Variants in ZNF738 observed in about 807,000 individuals in gnomAD.
ZNF738 encodes zinc finger protein 738.
ZNF738 carries 10 observed loss-of-function variants against 9.2 expected under a neutral mutation model. That is an observed-to-expected ratio of 1.09 (90% CI 0.67 to 1.85). The LOEUF (loss-of-function observed/expected upper bound fraction) is 1.85, where lower values mean the gene tolerates loss of function less well. ZNF738 is among the 40% of genes most tolerant of loss of function. ZNF738 has a pLI of 0.00. For synonymous variants in ZNF738, 113 were observed against 94.5 expected, an observed-to-expected ratio of 1.20 and a Z score of -1.14; for missense variants, 346 against 283.6, an observed-to-expected ratio of 1.22 and a Z score of -1.58.
intron 2 of ZNF738, chr19:21,372,003 G>A (rs1371906960): frequency 6.5e-6 from 1 of 152,914 alleles, no homozygotes; most frequent in East Asian, 1.9e-4. Flanking sequence ...GAGTGCAATG[G>A]CGCGATCTCA....
chr19:21,370,957 T>A (rs765888996), intron 2 of ZNF738, among the ~76,000 whole-genome samples: 1 of 152,164 alleles, frequency 6.6e-6, no homozygotes, highest in Non-Finnish European at 1.5e-5. Flanking sequence ...AAGCCCCCAT[T>A]TGAGAATGTG....
chr19:21,360,786 T>G (rs1218880268), intron 1 of ZNF738, among the ~76,000 whole-genome samples: 1 of 151,530 alleles, frequency 6.6e-6, no homozygotes, highest in Non-Finnish European at 1.5e-5. Flanking sequence ...TTATACCGTA[T>G]TTTAATTAAT....
At position 21,361,790 on chromosome 19, in the gene ZNF738, C is replaced by T. The variant is rs773321373; in HGVS notation, c.28C>T (p.Pro10Ser). ...GGACGACCTGAGGTATGGAGTGTAT[C>T]CTGTCAAGGGGGCAAGTGGATACCC... is the stretch of plus-strand genomic sequence containing the variant. MDDLRYGVY[P>S]VKGASGYPGA... Residue 10 changes from proline (P) to serine (S), a missense_variant, in exon 2 of 5, where the codon CCT becomes TCT. By Grantham distance (74) the Pro-to-Ser change is moderately conservative. Transcript: ENST00000683779. 3 of 780,760 alleles carry T rather than the reference C, an allele frequency of 3.8e-6. No homozygotes were observed. In the Admixed American group the frequency reaches 5.1e-5, roughly 13 times the overall value. The allele number at this position is 780,760 out of a possible 1,614,324, so 48.4% of individuals were successfully genotyped here.
intron 2 of ZNF738, among the ~76,000 whole-genome samples, chr19:21,365,998 G>T (rs1973771983): frequency 1.3e-5 from 2 of 151,666 alleles, no homozygotes; most frequent in Non-Finnish European, 2.9e-5. Context: ...AGTTTATCCT[G>T]CATTTCTACA....
intron 4 of ZNF738, chr19:21,381,158 C>T: frequency 1.0e-6 from 1 of 977,652 alleles, no homozygotes. Flanking sequence ...ATGATTTCTG[C>T]AGTGAGCACC....
In ZNF738 at chr19:21,359,161, A is replaced by G; in HGVS notation, c.3+18A>G. 1 of 1,041,744 alleles carries G rather than the reference A, an allele frequency of 9.6e-7. No homozygotes were observed. The highest frequency in any genetic ancestry group is 2.0e-4 in the Middle Eastern group (1 of 4,930). 64.5% of individuals were successfully genotyped at this position (1,041,744 alleles called of 1,614,324 possible). A position where few individuals can be genotyped will look rare whatever the true frequency, so the allele number is the denominator to read the frequency against. ...TAGAAATGGTGAGAGTGCGGGGTCC[A>G]ACATCCCGAGAGAGGGGAAGGGCTG... On this transcript the variant is annotated intron_variant, in intron 1 of 4. Coordinates refer to ENST00000683779, the MANE Select transcript of ZNF738 (RefSeq NM_001355237.2).
chr19:21,386,210 C>T lies in ZNF738; in HGVS notation c.*2536C>T. On this transcript the variant is annotated 3_prime_UTR_variant, in exon 5 of 5. Transcript: ENST00000683779. ...GGAATGTGGCAAAGCCTTTAATGGT[C>T]CCCTCAACTTTCTGCACATAAGATA... The T allele has an allele frequency of 3.6e-6, 1 of 279,696 alleles. No individual in the cohort carries two copies. Among genetic ancestry groups the T allele is most frequent in the East Asian group, 9.5e-5 (1 of 10,528 alleles). The allele number at this position is 279,696 out of a possible 1,614,324, so 17.3% of individuals were successfully genotyped here. A position where few individuals can be genotyped will look rare whatever the true frequency, so the allele number is the denominator to read the frequency against.
At position 21,383,139 on chromosome 19, in the gene ZNF738, A is replaced by G; in HGVS notation, c.593A>G (p.His198Arg). 1 of 1,591,462 alleles carries G rather than the reference A, an allele frequency of 6.3e-7. No homozygotes were observed. Among genetic ancestry groups the G allele is most frequent in the Non-Finnish European group, 8.6e-7 (1 of 1,161,026 alleles). The change falls in exon 5 of 5, where the codon CAT (histidine) becomes CGT (arginine). Residue 198 changes from histidine (H) to arginine (R), a missense_variant. Physicochemically the swap from His to Arg is conservative, Grantham distance 29 (BLOSUM62 0). Transcript: ENST00000683779. The part of the protein sequence containing the change: ...FLNSNTHKTR[H>R]TGKKPFKCKK... ...AATTCAAATACACATAAGACAAGAC[A>G]TACTGGAAAGAAACCTTTCAAATGT...
At chr19:21,359,612 C>T (rs1051421431) in intron 1 of ZNF738, among the ~76,000 whole-genome samples, 1 of 152,238 alleles carries the variant, frequency 6.6e-6, no homozygotes, top group African/African-American at 2.4e-5. Context: ...GGCGCGGTGG[C>T]TCACGCCTGT....
chr19:21,359,126 C>T lies in ZNF738; in HGVS notation c.-15C>T, dbSNP rs770552241. 28 of 1,024,726 alleles carry T rather than the reference C, an allele frequency of 2.7e-5. 1 individual carries two copies. In the South Asian group the frequency reaches 2.9e-4, roughly 11 times the overall value. The allele number at this position is 1,024,726 out of a possible 1,614,324, so 63.5% of individuals were successfully genotyped here. Reference sequence around the variant, plus strand: ...ATCCACAGCTAAGACGCCGGGACACCCTGGAAGCCTAGAAATGGTGAGAGT... The same window carrying T: ...ATCCACAGCTAAGACGCCGGGACACTCTGGAAGCCTAGAAATGGTGAGAGT... On this transcript the variant is annotated 5_prime_UTR_variant, in exon 1 of 5. Transcript: ENST00000683779.
At position 21,386,297 on chromosome 19, in the gene ZNF738, C is replaced by T. The variant is rs11085447; in HGVS notation, c.*2623C>T. ...TGTAGCAAACCTTTTAACTAATCCT[C>T]AACCCTTACTACACATAAGATAATT... On this transcript the variant is annotated 3_prime_UTR_variant, in exon 5 of 5. Transcript: ENST00000683779. 157,579 of 289,714 alleles carry T rather than the reference C, an allele frequency of 0.54. 43,632 individuals carry two copies. The highest frequency in any genetic ancestry group is 0.68 in the Middle Eastern group (587 of 862). The allele number at this position is 289,714 out of a possible 1,614,324, so 17.9% of individuals were successfully genotyped here. A position where few individuals can be genotyped will look rare whatever the true frequency, so the allele number is the denominator to read the frequency against.
In ZNF738 at chr19:21,385,652, A is replaced by G. The variant is rs959404883; in HGVS notation, c.*1978A>G. On this transcript the variant is annotated 3_prime_UTR_variant, in exon 5 of 5. Transcript: ENST00000683779. ...AACTGGTACTCATGCCTTACTGCAC[A>G]TAAGATAATTCATACTGGAGAGAAA... 1.3e-5 allele frequency among the ~76,000 whole-genome samples: 2 copies of G among 152,294 alleles called. No homozygotes were observed. The highest frequency in any genetic ancestry group is 2.1e-4 in the South Asian group (1 of 4,826).
At chr19:21,375,096 C>T (rs1462773753) in intron 2 of ZNF738, 142 bp from the exon 3 acceptor site, 1 of 514,710 alleles carries the variant, frequency 1.9e-6, no homozygotes, top group East Asian at 3.2e-5. Context: ...GAGAATATTT[C>T]TGTGTTGAAA....
Position 21,383,076 on chromosome 19 carries a change from A to T in ZNF738, c.530A>T (p.Gln177Leu). The T allele has an allele frequency of 7.6e-7, 1 of 1,310,404 alleles. No individual in the cohort carries two copies. The highest frequency in any genetic ancestry group is 1.7e-5 in the Admixed American group (1 of 58,174). The allele number at this position is 1,310,404 out of a possible 1,614,324, so 81.2% of individuals were successfully genotyped here. A position where few individuals can be genotyped will look rare whatever the true frequency, so the allele number is the denominator to read the frequency against. ...ACAACTACCCAGAGCAAAATATTTC[A>T]ATGTGATAAATATGTGAAAGTCTTT... ...YLTTTQSKIF[Q>L]CDKYVKVFHK... is the part of the protein sequence containing the mutation. Residue 177 changes from glutamine to leucine, a missense_variant, in exon 5 of 5, where the codon CAA becomes CTA. Gln to Leu is a moderately radical substitution (Grantham distance 113). Transcript: ENST00000683779.
rs1003306582 is a variant in ZNF738 at position 21,388,413 on chromosome 19, A to C, written c.*4739A>C. Among the ~76,000 whole-genome samples the C allele has an allele frequency of 6.6e-6, 1 of 152,192 alleles. No homozygotes were observed. The highest frequency in any genetic ancestry group is 1.5e-5 in the Non-Finnish European group (1 of 68,008). On this transcript the variant is annotated 3_prime_UTR_variant, in exon 5 of 5. Coordinates refer to ENST00000683779, the MANE Select transcript of ZNF738 (RefSeq NM_001355237.2). ...CATTAGAATGTAAGATGCATGATGA[A>C]AAAGTGGAGAGGTTCTTTGTGGTTA...
chr19:21,377,570 A>T, intron 4 of ZNF738: 1 of 507,862 alleles, frequency 2.0e-6, no homozygotes, highest in Non-Finnish European at 3.5e-6. Flanking sequence ...TAAATCTATT[A>T]TTGTTTAATG....
At chr19:21,381,903 G>T in intron 4 of ZNF738, 1 of 252,862 alleles carries the variant, frequency 4.0e-6, no homozygotes. Context: ...ACAGTTGCCT[G>T]GACTAAGGAA....
Position 21,385,999 on chromosome 19 carries a change from T to C in ZNF738, c.*2325T>C, listed in dbSNP as rs916933813. On this transcript the variant is annotated 3_prime_UTR_variant, in exon 5 of 5. Coordinates refer to ENST00000683779, the MANE Select transcript of ZNF738 (RefSeq NM_001355237.2). ...TGATGACACATAAGGTAATTCGTGC[T>C]GGAGAGAAACCCTACAAATATGAAG... 2.0e-5 allele frequency among the ~76,000 whole-genome samples: 3 copies of C among 152,204 alleles called. No homozygotes were observed. The highest frequency in any genetic ancestry group is 7.2e-5 in the African/African-American group (3 of 41,444).
At chr19:21,370,563 C>A (rs955806567) in intron 2 of ZNF738, among the ~76,000 whole-genome samples, 1 of 151,948 alleles carries the variant, frequency 6.6e-6, no homozygotes, top group African/African-American at 2.4e-5. Flanking sequence ...AATTTTGGAG[C>A]TCGTTATTGG....
Sources: allele counts gnomAD v4.1 joint callset (sites outside exome capture counted in the v4.1 genomes callset), GRCh38; gene constraint gnomAD v4.1.1; transcripts MANE v1.5; gene names NCBI Gene and HGNC (gene_info 2026-07-23, HGNC 2026-07-21).